Variants in CHADL observed in about 807,000 individuals in gnomAD.
CHADL encodes the protein chondroadherin-like protein.
In CHADL, 48 loss-of-function variants were observed where a neutral mutation model predicts 52.1. The observed-to-expected ratio is 0.92, with a 90% confidence interval of 0.73 to 1.17. The LOEUF (loss-of-function observed/expected upper bound fraction) is 1.17. Among genes scored for constraint, CHADL ranks in the 50% most tolerant of loss-of-function variants. The pLI is 0.00. For missense variants in CHADL, 977 were observed against 1,035.1 expected (o/e 0.94, Z 0.77); for synonymous variants, 498 against 511.2 (o/e 0.97, Z 0.35).
intron 5 of CHADL, among the ~76,000 whole-genome samples, chr22:41,232,446 G>C (rs1326654159): frequency 1.3e-5 from 2 of 152,108 alleles, no homozygotes; most frequent in African/African-American, 4.8e-5. Context: ...AGCATCTTCT[G>C]GGTGCCAGAC....
intron 5 of CHADL, among the ~76,000 whole-genome samples, chr22:41,232,868 C>T (rs1407612070): frequency 6.6e-6 from 1 of 152,114 alleles, no homozygotes; most frequent in Non-Finnish European, 1.5e-5. Flanking sequence ...TTCCCAGTCG[C>T]GCACGTGACT....
At chr22:41,232,142 CTAA>C (rs2032615790) in intron 5 of CHADL, among the ~76,000 whole-genome samples, 1 of 151,804 alleles carries the variant, frequency 6.6e-6, no homozygotes, top group Non-Finnish European at 1.5e-5. Context: ...ACCATCCTGG[CTAA>C]CACGATGAAA....
Position 41,238,711 on chromosome 22 carries a change from G to C in CHADL, c.361C>G (p.His121Asp), listed in dbSNP as rs556892145. 2 of 1,547,852 alleles carry C rather than the reference G, an allele frequency of 1.3e-6. No individual in the cohort carries two copies. Among genetic ancestry groups the C allele is most frequent in the Non-Finnish European group, 1.7e-6 (2 of 1,146,394 alleles). ...GCCTCCTGGGGCAGCTCACGCAGGT[G>C]GTTGGAGGCCAGGTTGAGCAGGAGC... ...RLLLLNLASN[H>D]LRELPQEALD... Residue 121 changes from histidine (H) to aspartate (D), a missense_variant, in exon 3 of 6, where the codon CAC becomes GAC. His to Asp is a moderately conservative substitution (Grantham distance 81). Coordinates refer to ENST00000216241, the MANE Select transcript of CHADL (RefSeq NM_138481.2). This position sits in a 1 kb window ranked among gnomAD's most constrained non-coding sequence, Gnocchi z 4.9.
At chr22:41,232,268 G>C (rs753841095) in intron 5 of CHADL, among the ~76,000 whole-genome samples, 1 of 151,676 alleles carries the variant, frequency 6.6e-6, no homozygotes, top group Non-Finnish European at 1.5e-5. Context: ...GGGGGCGGAG[G>C]TGGCAATGAG....
chr22:41,237,943 G>A lies in CHADL; in HGVS notation c.1129C>T (p.Arg377Cys), dbSNP rs928229294. The change falls in exon 3 of 6, where the codon CGC (arginine) becomes TGC (cysteine). Residue 377 changes from arginine to cysteine, a missense_variant. Transcript: ENST00000216241. Reference protein sequence around the residue: ...ELEERAVAGPRAPPRGPPRGP... With the variant: ...ELEERAVAGPCAPPRGPPRGP... Reference sequence around the variant, plus strand: ...CGCGGAGGGCCGCGCGGAGGGGCGCGGGGCCCGGCCACAGCCCGCTCTTCC... The same window carrying A: ...CGCGGAGGGCCGCGCGGAGGGGCGCAGGGCCCGGCCACAGCCCGCTCTTCC... 108 of 1,266,960 alleles carry A rather than the reference G, an allele frequency of 8.5e-5. No homozygotes were observed. Among genetic ancestry groups the A allele is most frequent in the East Asian group, 9.8e-5 (3 of 30,724 alleles). The allele number at this position is 1,266,960 out of a possible 1,614,324, so 78.5% of individuals were successfully genotyped here. A position where few individuals can be genotyped will look rare whatever the true frequency, so the allele number is the denominator to read the frequency against.
chr22:41,232,891 T>G (rs528637860), intron 5 of CHADL, among the ~76,000 whole-genome samples: 1 of 152,168 alleles, frequency 6.6e-6, no homozygotes, highest in East Asian at 1.9e-4. Context: ...CAACTGAGAT[T>G]AGTATTGCTC....
In CHADL at chr22:41,240,802, G is replaced by C. The variant is rs749539830; in HGVS notation, c.8+72C>G. The C allele has an allele frequency of 1.5e-3, 2,334 of 1,526,706 alleles. 5 individuals are homozygous for C. Among genetic ancestry groups the C allele is most frequent in the Non-Finnish European group, 2.0e-3 (2,255 of 1,126,118 alleles). The allele number at this position is 1,526,706 out of a possible 1,614,324, so 94.6% of individuals were successfully genotyped here. ...CCGCCAGCCTCTGAGAGGCCCAGAG[G>C]GGGCAGAGACTTACCTGAGGCCACT... On this transcript the variant is annotated intron_variant, in intron 1 of 5. Transcript: ENST00000216241.
At chr22:41,229,792 AC>A in intron 5 of CHADL, 62 bp from the exon 6 acceptor site, 5 of 1,410,644 alleles carry the variant, frequency 3.5e-6, no homozygotes, top group South Asian at 1.2e-5. Context: ...GCAGTCCTGT[AC>A]CACTGGACCC....
chr22:41,237,923 A>C lies in CHADL; in HGVS notation c.1149T>G (p.Pro383=), dbSNP rs951602297. The part of the protein sequence containing the change: ...VAGPRAPPRG[P]PRGPGEERAV... ...CCCGCTCCTCCCCGGGGCCGCGCGGAGGGCCGCGCGGAGGGGCGCGGGGCC... is the reference window on the plus strand; with the variant it reads ...CCCGCTCCTCCCCGGGGCCGCGCGGCGGGCCGCGCGGAGGGGCGCGGGGCC... The change falls in exon 3 of 6, where the codon CCT becomes CCG. Residue 383 remains proline, a synonymous_variant. Transcript: ENST00000216241. 1 of 1,279,834 alleles carries C rather than the reference A, an allele frequency of 7.8e-7. No individual in the cohort carries two copies. The highest frequency in any genetic ancestry group is 1.6e-5 in the African/African-American group (1 of 64,024). The allele number at this position is 1,279,834 out of a possible 1,614,324, so 79.3% of individuals were successfully genotyped here.
intron 1 of CHADL, 107 bp from the exon 2 acceptor site, chr22:41,239,727 C>A: frequency 9.5e-7 from 1 of 1,048,858 alleles, no homozygotes; most frequent in Non-Finnish European, 1.3e-6. Context: ...CCCCTCAGAG[C>A]CTCCTCCTTT....
At chr22:41,230,545 C>A in intron 5 of CHADL, 1 of 416,492 alleles carries the variant, frequency 2.4e-6, no homozygotes, top group East Asian at 4.9e-5. Flanking sequence ...TAGCTGCCTG[C>A]TCTTCCTTAA....
At position 41,237,914 on chromosome 22, in the gene CHADL, G is replaced by C. The variant is rs945590675; in HGVS notation, c.1158C>G (p.Gly386=). The C allele has an allele frequency of 5.4e-6, 7 of 1,296,188 alleles. No homozygotes were observed. Among genetic ancestry groups the C allele is most frequent in the Non-Finnish European group, 6.8e-6 (7 of 1,028,008 alleles). 80.3% of individuals were successfully genotyped at this position (1,296,188 alleles called of 1,614,324 possible). ...PRAPPRGPPR[G]PGEERAVAPC... ...GCGCGACTGCCCGCTCCTCCCCGGGGCCGCGCGGAGGGCCGCGCGGAGGGG... is the reference window on the plus strand; with the variant it reads ...GCGCGACTGCCCGCTCCTCCCCGGGCCCGCGCGGAGGGCCGCGCGGAGGGG... The change falls in exon 3 of 6, where the codon GGC becomes GGG. Residue 386 remains glycine (G), a synonymous_variant. Transcript: ENST00000216241.
At chr22:41,240,672 C>T (rs2032845964) in intron 1 of CHADL, 1 of 600,632 alleles carries the variant, frequency 1.7e-6, no homozygotes, top group Non-Finnish European at 2.9e-6. Context: ...TCAGACAAGC[C>T]CCAGAGGACC....
At chr22:41,234,107 A>G (rs923885258) in intron 5 of CHADL, among the ~76,000 whole-genome samples, 5 of 152,158 alleles carry the variant, frequency 3.3e-5, no homozygotes, top group Non-Finnish European at 4.4e-5. Context: ...ATGCACCTGC[A>G]CTTCCACTCT....
intron 5 of CHADL, chr22:41,231,349 G>A (rs2032580427): frequency 6.6e-6 from 1 of 152,184 alleles, no homozygotes; most frequent in Non-Finnish European, 1.5e-5. Flanking sequence ...CGATCATGAA[G>A]GCCACGTGAG....
At chr22:41,240,824 C>T (rs1417828254) in intron 1 of CHADL, 50 bp downstream of exon 1, 7 of 1,549,474 alleles carry the variant, frequency 4.5e-6, no homozygotes, top group Non-Finnish European at 6.1e-6. Flanking sequence ...TACCTGAGGC[C>T]ACTGAGCTGC....
chr22:41,240,640 T>C (rs1016487571), intron 1 of CHADL, among the ~76,000 whole-genome samples: 29 of 152,202 alleles, frequency 1.9e-4, no homozygotes, highest in African/African-American at 7.0e-4. Flanking sequence ...GCATTCATAA[T>C]GCAGGGACCA....
rs1214114655 is a variant in CHADL, at chr22:41,237,164, C to G, written c.1896+12G>C. ...CCTCCTGCACCAACCCCGCCAGATG[C>G]CCAGTGCCCACCTGCTCCAGGCCAC... is the stretch of plus-strand genomic sequence containing the variant. On this transcript the variant is annotated intron_variant, in intron 3 of 5. Transcript: ENST00000216241. 6.5e-7 allele frequency: 1 copy of G among 1,527,852 alleles called. No individual in the cohort carries two copies. The highest frequency in any genetic ancestry group is 8.8e-7 in the Non-Finnish European group (1 of 1,132,546). The allele number at this position is 1,527,852 out of a possible 1,614,324, so 94.6% of individuals were successfully genotyped here.
In CHADL at chr22:41,237,839, G is replaced by C; in HGVS notation, c.1233C>G (p.Cys411Trp). ...VCVPESRHSS[C>W]EGCGLQAVPR... is the part of the protein sequence containing the mutation. ...GCACCGCCTGCAGGCCGCAGCCCTC[G>C]CAGCTGCTGTGCCGGGACTCGGGGA... Residue 411 changes from cysteine (C) to tryptophan (W), a missense_variant, in exon 3 of 6, where the codon TGC becomes TGG. Physicochemically the swap from Cys to Trp is radical, Grantham distance 215. Transcript: ENST00000216241. 5 of 1,462,140 alleles carry C rather than the reference G, an allele frequency of 3.4e-6. No individual in the cohort carries two copies. The highest frequency in any genetic ancestry group is 4.5e-6 in the Non-Finnish European group (5 of 1,109,776). 90.6% of individuals were successfully genotyped at this position (1,462,140 alleles called of 1,614,324 possible).
Sources: gnomAD v4.1 joint callset for allele counts (sites outside exome capture counted in the v4.1 genomes callset) on GRCh38, gnomAD v4.1.1 for gene constraint, Gnocchi (gnomAD v3.1) non-coding constraint, MANE v1.5 for transcripts, NCBI Gene and HGNC (gene_info 2026-07-23, HGNC 2026-07-21) for gene names.